The following POLD1 variants were observed in gnomAD, a reference collection of about 807,000 sequenced individuals.
The protein encoded by POLD1 is DNA polymerase delta 1, catalytic subunit, also known as DNA polymerase delta catalytic subunit.
POLD1 carries 79 observed loss-of-function variants against 129.7 expected under a neutral mutation model. That is an observed-to-expected ratio of 0.61 (90% CI 0.51 to 0.73). The LOEUF (loss-of-function observed/expected upper bound fraction) is 0.73. Ranked by LOEUF, POLD1 falls within the 30% of genes least tolerant of loss-of-function variation. POLD1 has a pLI of 0.00. For synonymous variants in POLD1, 714 were observed against 683.3 expected, an observed-to-expected ratio of 1.04 and a Z score of -0.70; for missense variants, 1,338 against 1,595.8, an observed-to-expected ratio of 0.84 and a Z score of 2.75.
At position 50,409,550 on chromosome 19, in the gene POLD1, C is replaced by T. The variant is rs1555791989; in HGVS notation, c.2038C>T (p.Pro680Ser). The change falls in exon 17 of 27, where the codon CCC (proline) becomes TCC (serine). Residue 680 changes from proline to serine, a missense_variant. By Grantham distance (74) the Pro-to-Ser change is moderately conservative. Transcript: ENST00000440232. This position sits in a 1 kb window ranked among gnomAD's most constrained non-coding sequence, Gnocchi z 5.8. ...GGCCGAGCTGGCCAAGGAGACAGAC[C>T]CCCTCCGGCGCCAGGTCCTGGATGG... The part of the protein sequence containing the change: ...AKAELAKETD[P>S]LRRQVLDGRQ... The T allele has an allele frequency of 1.2e-6, 2 of 1,613,504 alleles. No homozygotes were observed. The highest frequency in any genetic ancestry group is 1.1e-5 in the South Asian group (1 of 91,082).
chr19:50,416,475 T>G lies in POLD1; in HGVS notation c.2900T>G (p.Leu967Arg), dbSNP rs367920933. ...YLEQQLAKPL[L>R]RIFEPILGEG... ...GAGCAGCAGCTGGCCAAGCCCCTCC[T>G]GCGCATCTTCGAGCCCATCCTGGGC... The change falls in exon 23 of 27, where the codon CTG becomes CGG. Residue 967 changes from leucine (L) to arginine (R), a missense_variant. Physicochemically the swap from Leu to Arg is moderately radical, Grantham distance 102 (BLOSUM62 -2). Around this residue, in one of 3 missense-constraint regions of POLD1, gnomAD observed 286 missense variants for 277.5 expected, o/e 1.03. Transcript: ENST00000440232. 6.4e-7 allele frequency: 1 copy of G among 1,551,512 alleles called. No homozygotes were observed. Among genetic ancestry groups the G allele is most frequent in the Admixed American group, 1.9e-5 (1 of 51,292 alleles).
intron 14 of POLD1, among the ~76,000 whole-genome samples, chr19:50,407,725 A>ATTTTTTTTTTT (rs571759517): frequency 3.1e-5 from 3 of 95,334 alleles, no homozygotes; most frequent in African/African-American, 9.4e-5. Flanking sequence ...CGCCTGGCTA[A>ATTTTTTTTTTT]TTTTTTTTTT....
At chr19:50,408,378 T>A (rs1051988701) in intron 14 of POLD1, among the ~76,000 whole-genome samples, 1 of 151,552 alleles carries the variant, frequency 6.6e-6, no homozygotes, top group South Asian at 2.1e-4. Context: ...ATTATATATA[T>A]TATTTTTCTT....
At chr19:50,408,343 T>A (rs998263765) in intron 14 of POLD1, among the ~76,000 whole-genome samples, 25 of 151,884 alleles carry the variant, frequency 1.6e-4, no homozygotes, top group East Asian at 3.9e-4. Flanking sequence ...TCAAAAAAAA[T>A]AAAATAAAAT....
At chr19:50,396,119 C>T (rs1384917531) in intron 1 of POLD1, among the ~76,000 whole-genome samples, 1 of 145,772 alleles carries the variant, frequency 6.9e-6, no homozygotes, top group East Asian at 2.0e-4. Context: ...CAGAATATTG[C>T]TGTGTTGCCC....
chr19:50,399,905 C>A (rs929149465), intron 3 of POLD1, among the ~76,000 whole-genome samples: 2 of 150,028 alleles, frequency 1.3e-5, no homozygotes, highest in African/African-American at 4.9e-5. Context: ...ACCTCTGCCT[C>A]CCGGGTTCAA....
chr19:50,399,557 T>C, intron 3 of POLD1, 73 bp downstream of exon 3: 2 of 1,136,786 alleles, frequency 1.8e-6, no homozygotes, highest in South Asian at 2.5e-5. Flanking sequence ...GGTCAGCCCC[T>C]CTGGCCCTGT....
At chr19:50,416,772 C>A (rs746597262) in intron 24 of POLD1, 49 bp downstream of exon 24, 1 of 1,372,352 alleles carries the variant, frequency 7.3e-7, no homozygotes, top group Non-Finnish European at 1.0e-6. Context: ...ACCTGCTCTG[C>A]CGTCACCCCA....
chr19:50,401,387 ATATATTTTTTTT>A (rs1425257246), intron 3 of POLD1, among the ~76,000 whole-genome samples: 57 of 59,156 alleles, frequency 9.6e-4, no homozygotes, highest in African/African-American at 4.3e-3. Flanking sequence ...ATATATATAT[ATATATTTTTTTT>A]TTTTTTTTTT....
intron 1 of POLD1, among the ~76,000 whole-genome samples, chr19:50,393,627 C>G (rs774927559): frequency 5.9e-5 from 9 of 152,186 alleles, no homozygotes; most frequent in Non-Finnish European, 1.2e-4. Flanking sequence ...GATCATGCCA[C>G]TGCACTCTAG....
intron 14 of POLD1, among the ~76,000 whole-genome samples, chr19:50,408,210 C>T (rs2038968813): frequency 6.6e-6 from 1 of 151,056 alleles, no homozygotes; most frequent in South Asian, 2.1e-4. Flanking sequence ...TGGCGGGCGC[C>T]TGCAGTGCCA....
At chr19:50,412,314 G>C (rs1464641996) in intron 17 of POLD1, among the ~76,000 whole-genome samples, 1 of 152,060 alleles carries the variant, frequency 6.6e-6, no homozygotes, top group East Asian at 1.9e-4. Context: ...CACCATGCCT[G>C]GCTAATTTTT....
intron 1 of POLD1, among the ~76,000 whole-genome samples, chr19:50,388,704 TTGCTTTA>T (rs111495539): frequency 0.052 from 7,921 of 152,224 alleles, 680 homozygotes; most frequent in African/African-American, 0.18. Context: ...GACACCTCAT[TTGCTTTA>T]TGCTTTATCC....
Position 50,402,046 on chromosome 19 carries a change from G to T in POLD1, c.511G>T (p.Ala171Ser), listed in dbSNP as rs748486492. The part of the protein sequence containing the change: ...MGDLQRELNL[A>S]ISRDSRGGRE... ...TGACCTGCAACGGGAGCTGAACTTG[G>T]CCATCAGCCGGGACAGTCGCGGGGG... The change falls in exon 5 of 27, where the codon GCC becomes TCC. Residue 171 changes from alanine to serine, a missense_variant. Ala to Ser is a moderately conservative substitution (Grantham distance 99). Transcript: ENST00000440232. The T allele has an allele frequency of 3.5e-5, 56 of 1,613,944 alleles. No homozygotes were observed. In the East Asian group the frequency reaches 1.2e-3, roughly 35 times the overall value.
intron 1 of POLD1, among the ~76,000 whole-genome samples, chr19:50,390,054 G>A (rs1018944784): frequency 2.7e-5 from 4 of 150,842 alleles, no homozygotes; most frequent in African/African-American, 7.3e-5. Flanking sequence ...GATTACAGGC[G>A]CCTGGCACCA....
At position 50,401,815 on chromosome 19, in the gene POLD1, C is replaced by T. The variant is rs1180244672; in HGVS notation, c.354C>T (p.Ser118=). The T allele has an allele frequency of 6.2e-7, 1 of 1,613,572 alleles. No homozygotes were observed. The highest frequency in any genetic ancestry group is 8.5e-7 in the Non-Finnish European group (1 of 1,179,896). The change falls in exon 4 of 27, where the codon TCC becomes TCT. Residue 118 remains serine, a synonymous_variant. Coordinates refer to ENST00000440232, the MANE Select transcript of POLD1 (RefSeq NM_002691.4). The part of the protein sequence containing the change: ...AQPVPGGPPP[S]RGSVPVLRAF... ...CTGTGCCTGGGGGGCCCCCACCATC[C>T]CGCGGCTCCGTGCCTGTGCTCCGCG... is the stretch of plus-strand genomic sequence containing the variant.
At chr19:50,416,910 GT>G in intron 24 of POLD1, 134 bp from the exon 25 acceptor site, 2 of 1,142,412 alleles carry the variant, frequency 1.8e-6, no homozygotes, top group Non-Finnish European at 2.4e-6. Flanking sequence ...CCCCAGGGGA[GT>G]TTTCCCAGCA....
intron 23 of POLD1, 36 bp from the exon 24 acceptor site, chr19:50,416,574 A>C: frequency 6.5e-7 from 1 of 1,547,254 alleles, no homozygotes; most frequent in Non-Finnish European, 8.7e-7. Flanking sequence ...GGGGCAGAGG[A>C]GATCACCGGC....
chr19:50,414,988 C>A lies in POLD1; in HGVS notation c.2562C>A (p.Asp854Glu), dbSNP rs746579020. Residue 854 changes from aspartate to glutamate, a missense_variant and splice_region_variant, in exon 20 of 27, where the codon GAC (aspartate) becomes GAA (glutamate). This residue lies in a region of POLD1 where 720 missense variants were observed against 1,002.6 expected (regional missense o/e 0.72). Coordinates refer to ENST00000440232, the MANE Select transcript of POLD1 (RefSeq NM_002691.4). Reference protein sequence around the residue: ...VTASLRRLLIDRDPEGAVAHA... With the variant: ...VTASLRRLLIERDPEGAVAHA... Reference sequence around the variant, plus strand: ...CCTCACTGCGCCGCCTGCTCATCGACCGGTGTGTGGGGCCTCCTCCCTCAG... The same window carrying A: ...CCTCACTGCGCCGCCTGCTCATCGAACGGTGTGTGGGGCCTCCTCCCTCAG... The A allele has an allele frequency of 1.3e-6, 2 of 1,574,712 alleles. No homozygotes were observed. The highest frequency in any genetic ancestry group is 2.7e-5 in the African/African-American group (2 of 73,920).
Sources: allele counts gnomAD v4.1 joint callset (sites outside exome capture counted in the v4.1 genomes callset), GRCh38; gene constraint gnomAD v4.1.1; regional missense constraint gnomAD v4.1.1; non-coding constraint Gnocchi (gnomAD v3.1); transcripts MANE v1.5; gene names NCBI Gene and HGNC (gene_info 2026-07-23, HGNC 2026-07-21).